The following CLDN10 variants were observed in gnomAD, a reference collection of about 807,000 sequenced individuals.
CLDN10 encodes claudin 10.
In CLDN10, 15 loss-of-function variants were observed where a neutral mutation model predicts 22.9. The observed-to-expected ratio is 0.65, with a 90% CI of 0.44 to 1.01. CLDN10 has a LOEUF of 1.01. Ranked by LOEUF, CLDN10 falls within the 50% of genes least tolerant of loss-of-function variation. The pLI is 0.00. For synonymous variants in CLDN10, 114 were observed against 111.4 expected, an observed-to-expected ratio of 1.02 and a Z score of -0.15; for missense variants, 247 against 287.8, an observed-to-expected ratio of 0.86 and a Z score of 1.03.
intron 1 of CLDN10, among the ~76,000 whole-genome samples, chr13:95,524,587 G>C (rs2043259316): frequency 6.6e-6 from 1 of 152,016 alleles, no homozygotes; most frequent in Admixed American, 6.6e-5. Flanking sequence ...TTCCACCTTT[G>C]GGCTATTGTG....
At chr13:95,437,616 C>T (rs1338081172) in intron 1 of CLDN10, among the ~76,000 whole-genome samples, 2 of 152,064 alleles carry the variant, frequency 1.3e-5, no homozygotes, top group East Asian at 1.9e-4. Flanking sequence ...TGCTGGGTTC[C>T]GGATATATAG....
chr13:95,467,240 A>G (rs767227984), intron 1 of CLDN10, among the ~76,000 whole-genome samples: 2 of 152,056 alleles, frequency 1.3e-5, no homozygotes, highest in Non-Finnish European at 2.9e-5. Context: ...GATTCCAGAT[A>G]CTGAAATTAT....
At position 95,471,358 on chromosome 13, in the gene CLDN10, A is replaced by ATATGTG. The variant is rs1555289776; in HGVS notation, c.214+37312_214+37313insATGTGT. The stretch of plus-strand genomic sequence containing the variant: ...CTTCAGCTCTGACTTATGGATATAT[A>ATATGTG]TGTGTGTGTGTGTGTATATATATAA... On this transcript the variant is annotated intron_variant, in intron 1 of 4. Transcript: ENST00000376873. Among the ~76,000 whole-genome samples the ATATGTG allele has an allele frequency of 5.5e-5, 8 of 144,182 alleles. No homozygotes were observed. The East Asian group carries it at 1.6e-3, about 29-fold the overall frequency. 94.6% of individuals were successfully genotyped at this position (144,182 alleles called of 152,430 possible). A position where few individuals can be genotyped will look rare whatever the true frequency, so the allele number is the denominator to read the frequency against.
At position 95,578,285 on chromosome 13, in the gene CLDN10, G is replaced by T; in HGVS notation, c.*271G>T. 1 of 245,114 alleles carries T rather than the reference G, an allele frequency of 4.1e-6. No individual in the cohort carries two copies. The highest frequency in any genetic ancestry group is 7.6e-5 in the South Asian group (1 of 13,158). 15.2% of individuals were successfully genotyped at this position (245,114 alleles called of 1,614,324 possible). ...TTATATAGAACATGAAAAGCATTTA[G>T]TACCAAAGGTTCAAGAAGTATTCGT... On this transcript the variant is annotated 3_prime_UTR_variant, in exon 5 of 5. Transcript: ENST00000299339.
intron 1 of CLDN10, among the ~76,000 whole-genome samples, chr13:95,436,469 G>A (rs537732198): frequency 6.6e-6 from 1 of 152,240 alleles, no homozygotes; most frequent in East Asian, 1.9e-4. Flanking sequence ...ATAAGCATGA[G>A]CCACCACGCC....
At chr13:95,513,695 A>G (rs188963523) in intron 1 of CLDN10, among the ~76,000 whole-genome samples, 6 of 142,190 alleles carry the variant, frequency 4.2e-5, no homozygotes, top group Admixed American at 4.1e-4. Flanking sequence ...ATTCATAGAT[A>G]CATATTGGAT....
At chr13:95,491,213 GTTCTTC>G (rs2138516024) in intron 1 of CLDN10, among the ~76,000 whole-genome samples, 1 of 152,154 alleles carries the variant, frequency 6.6e-6, no homozygotes, top group East Asian at 1.9e-4. Flanking sequence ...CCATTCTGTG[GTTCTTC>G]TTTTAAATGG....
chr13:95,459,572 A>G (rs2042514918), intron 1 of CLDN10, among the ~76,000 whole-genome samples: 1 of 152,246 alleles, frequency 6.6e-6, no homozygotes. Flanking sequence ...GGCCCATTTT[A>G]GCCATGGCTA....
intron 1 of CLDN10, among the ~76,000 whole-genome samples, chr13:95,554,633 T>TA (rs1173999772): frequency 2.0e-5 from 3 of 152,168 alleles, no homozygotes; most frequent in Non-Finnish European, 4.4e-5. Flanking sequence ...CTCATGTGAC[T>TA]AAAAAATGAC....
intron 1 of CLDN10, among the ~76,000 whole-genome samples, chr13:95,471,386 TAC>T (rs1332962219): frequency 7.4e-6 from 1 of 135,096 alleles, no homozygotes; most frequent in African/African-American, 2.8e-5. Flanking sequence ...ATATATAACA[TAC>T]ACACACATGT....
intron 1 of CLDN10, among the ~76,000 whole-genome samples, chr13:95,507,609 A>C (rs2043051723): frequency 6.6e-6 from 1 of 151,230 alleles, no homozygotes; most frequent in African/African-American, 2.4e-5. Flanking sequence ...CAACATAGTG[A>C]CACCTGCAAA....
At chr13:95,483,355 T>C (rs1264499434) in intron 1 of CLDN10, among the ~76,000 whole-genome samples, 1 of 94,914 alleles carries the variant, frequency 1.1e-5, no homozygotes, top group East Asian at 2.8e-4. Flanking sequence ...TTCTCATCTC[T>C]AATTTTTTTT....
At chr13:95,539,900 A>G (rs996431849) in intron 1 of CLDN10, among the ~76,000 whole-genome samples, 3 of 152,200 alleles carry the variant, frequency 2.0e-5, no homozygotes, top group Non-Finnish European at 4.4e-5. Flanking sequence ...CACGCCTGTA[A>G]TATCAGCACT....
chr13:95,468,115 A>G (rs966946639), intron 1 of CLDN10, among the ~76,000 whole-genome samples: 2 of 152,224 alleles, frequency 1.3e-5, no homozygotes, highest in African/African-American at 4.8e-5. Context: ...TGGGCACACC[A>G]TGGCCCAGTC....
At chr13:95,577,387 TA>T (rs1457957889) in intron 4 of CLDN10, 49 bp downstream of exon 4, 2 of 1,148,878 alleles carry the variant, frequency 1.7e-6, no homozygotes, top group Non-Finnish European at 2.6e-6. Context: ...AATGCTATCA[TA>T]AATCATTACA....
intron 1 of CLDN10, among the ~76,000 whole-genome samples, chr13:95,477,872 C>T (rs925658923): frequency 1.3e-5 from 2 of 152,120 alleles, no homozygotes; most frequent in South Asian, 2.1e-4. Context: ...AGGAGGAAAA[C>T]GTGTGGTTCG....
At chr13:95,473,234 C>T (rs1225962813) in intron 1 of CLDN10, among the ~76,000 whole-genome samples, 1 of 149,648 alleles carries the variant, frequency 6.7e-6, no homozygotes, top group African/African-American at 2.5e-5. Flanking sequence ...GTATTACTAA[C>T]AACACAATTG....
intron 1 of CLDN10, among the ~76,000 whole-genome samples, chr13:95,526,398 C>G (rs1566317953): frequency 6.6e-6 from 1 of 152,124 alleles, no homozygotes. Flanking sequence ...CACTGAGAAG[C>G]TCACAGTGGA....
At chr13:95,552,710 C>T, upstream of CLDN10, 1 of 1,567,026 alleles carries the variant, frequency 6.4e-7, no homozygotes, top group Non-Finnish European at 8.6e-7. Context: ...GGGGTCGCGG[C>T]GCAGAGTGGG....
Sources: gnomAD v4.1 joint callset for allele counts (sites outside exome capture counted in the v4.1 genomes callset) on GRCh38, gnomAD v4.1.1 for gene constraint, MANE v1.5 for transcripts, NCBI Gene and HGNC (gene_info 2026-07-23, HGNC 2026-07-21) for gene names.